The following SEMA6D variants were observed in gnomAD, a reference collection of about 807,000 sequenced individuals.
SEMA6D encodes semaphorin 6D.
A neutral mutation model predicts 106.6 loss-of-function variants in SEMA6D; 35 were observed. The observed-to-expected ratio is 0.33, with a 90% CI of 0.25 to 0.44. SEMA6D has a LOEUF of 0.44. Among genes scored for constraint, SEMA6D ranks in the 20% least tolerant of loss-of-function variants. The pLI is 1.00. For synonymous variants in SEMA6D, 499 were observed against 487.7 expected (o/e 1.02, Z -0.31); for missense variants, 1,185 against 1,345.9 (o/e 0.88, Z 1.87).
intron 3 of SEMA6D, among the ~76,000 whole-genome samples, chr15:47,522,080 C>T (rs536033544): frequency 6.6e-6 from 1 of 152,278 alleles, no homozygotes; most frequent in Admixed American, 6.5e-5. Context: ...CTTGACCAAC[C>T]CAGCTCCAAA....
intron 1 of SEMA6D, among the ~76,000 whole-genome samples, chr15:47,754,236 A>G (rs1234717708): frequency 6.6e-6 from 1 of 152,224 alleles, no homozygotes; most frequent in Non-Finnish European, 1.5e-5. Flanking sequence ...TACTAAAAAT[A>G]CAAAATAAAT....
At chr15:47,299,228 T>C (rs1297357210) in intron 1 of SEMA6D, among the ~76,000 whole-genome samples, 1 of 152,198 alleles carries the variant, frequency 6.6e-6, no homozygotes, top group African/African-American at 2.4e-5. Context: ...AGACACACCA[T>C]TGCTTTCCAA....
intron 13 of SEMA6D, chr15:47,765,626 G>A: frequency 1.9e-6 from 1 of 539,528 alleles, no homozygotes; most frequent in Non-Finnish European, 2.8e-6. Flanking sequence ...CTTCGCAAAT[G>A]CAATTCACTT....
intron 2 of SEMA6D, among the ~76,000 whole-genome samples, chr15:47,439,278 A>G (rs564747676): frequency 6.6e-6 from 1 of 152,256 alleles, no homozygotes; most frequent in East Asian, 1.9e-4. Flanking sequence ...GTACATATTT[A>G]ACAAAGTTTG....
chr15:47,420,326 C>A (rs557784877), intron 2 of SEMA6D, among the ~76,000 whole-genome samples: 2 of 152,206 alleles, frequency 1.3e-5, no homozygotes, highest in African/African-American at 4.8e-5. Context: ...TTAAAGCATT[C>A]TTTTGTGATC....
chr15:47,634,817 G>T (rs80161803), intron 4 of SEMA6D, among the ~76,000 whole-genome samples: 1 of 151,872 alleles, frequency 6.6e-6, no homozygotes, highest in Admixed American at 6.6e-5. Context: ...CTTCTTCGGG[G>T]GTGGGGGCGG....
At chr15:47,770,401 C>A in intron 18 of SEMA6D, 96 bp from the exon 19 acceptor site, 2 of 1,017,052 alleles carry the variant, frequency 2.0e-6, no homozygotes, top group South Asian at 1.7e-5. Context: ...GCATATGAAC[C>A]ATATGAAGGT....
At chr15:47,638,088 T>C (rs2077423675) in intron 4 of SEMA6D, among the ~76,000 whole-genome samples, 1 of 150,634 alleles carries the variant, frequency 6.6e-6, no homozygotes, top group Admixed American at 6.7e-5. Flanking sequence ...CTGCTTGTTT[T>C]CTAATTTTAT....
In SEMA6D at chr15:47,763,918, A is replaced by G. The variant is rs778907034; in HGVS notation, c.816A>G (p.Lys272=). 6.2e-7 allele frequency: 1 copy of G among 1,613,848 alleles called. No individual in the cohort carries two copies. The highest frequency in any genetic ancestry group is 8.5e-7 in the Non-Finnish European group (1 of 1,179,896). ...GTGGTTCCCAGCGGGTCCTGGAGAAACACTGGACTTCATTTCTAAAGGCTC... is the reference window on the plus strand; with the variant it reads ...GTGGTTCCCAGCGGGTCCTGGAGAAGCACTGGACTTCATTTCTAAAGGCTC... ...DMGGSQRVLE[K]HWTSFLKARL... Residue 272 remains lysine (K), a synonymous_variant, in exon 10 of 19, where the codon AAA becomes AAG. Transcript: ENST00000536845.
At chr15:47,336,016 A>G (rs1464192250) in intron 1 of SEMA6D, among the ~76,000 whole-genome samples, 1 of 152,236 alleles carries the variant, frequency 6.6e-6, no homozygotes, top group Non-Finnish European at 1.5e-5. Context: ...CTGATCTGAC[A>G]TTGCCTGAGG....
intron 1 of SEMA6D, among the ~76,000 whole-genome samples, chr15:47,337,113 T>C (rs973128753): frequency 2.0e-5 from 3 of 152,088 alleles, no homozygotes; most frequent in Non-Finnish European, 4.4e-5. Flanking sequence ...AGCAAGTAAA[T>C]GCCCATAAGA....
intron 3 of SEMA6D, among the ~76,000 whole-genome samples, chr15:47,479,749 C>T (rs1051687076): frequency 6.6e-6 from 1 of 152,138 alleles, no homozygotes; most frequent in Non-Finnish European, 1.5e-5. Flanking sequence ...AAAGAGATGC[C>T]ACTTCCCTAA....
At chr15:47,405,704 G>A (rs2040542614) in intron 1 of SEMA6D, among the ~76,000 whole-genome samples, 1 of 152,078 alleles carries the variant, frequency 6.6e-6, no homozygotes, top group South Asian at 2.1e-4. Flanking sequence ...TCTAGCTGGG[G>A]GCCTCATATA....
At chr15:47,285,615 A>G (rs531449631) in intron 1 of SEMA6D, among the ~76,000 whole-genome samples, 67 of 152,336 alleles carry the variant, frequency 4.4e-4, no homozygotes, top group African/African-American at 1.5e-3. Flanking sequence ...AATAATTCAG[A>G]TGAAAAGTGG....
intron 1 of SEMA6D, among the ~76,000 whole-genome samples, chr15:47,384,705 A>G (rs952730937): frequency 1.3e-5 from 2 of 152,158 alleles, no homozygotes; most frequent in Admixed American, 1.3e-4. Flanking sequence ...AGAGGCATGA[A>G]AGCAAACATC....
intron 4 of SEMA6D, among the ~76,000 whole-genome samples, chr15:47,640,947 A>C (rs770974230): frequency 2.0e-5 from 3 of 152,150 alleles, no homozygotes; most frequent in Non-Finnish European, 4.4e-5. Context: ...AGAAACCTCA[A>C]AGTCCTTCAC....
chr15:47,348,723 CACACAGAG>C (rs1416192986), intron 1 of SEMA6D, among the ~76,000 whole-genome samples: 10 of 45,608 alleles, frequency 2.2e-4, no homozygotes, highest in African/African-American at 5.7e-4. Flanking sequence ...ACACACCACA[CACACAGAG>C]AGAGAGAGAG....
Position 47,766,647 on chromosome 15 carries a change from G to C in SEMA6D, c.1678G>C (p.Gly560Arg), listed in dbSNP as rs568761262. ...AGGATATGAACAAGACACAGAATTC[G>C]GCAACACAGCTCATCTAGGGGACTG... ...AEGYEQDTEF[G>R]NTAHLGDCHE... Residue 560 changes from glycine to arginine, a missense_variant, in exon 16 of 19, where the codon GGC (glycine) becomes CGC (arginine). This residue lies in a region of SEMA6D where 750 missense variants were observed against 783.5 expected (regional missense o/e 0.96). Coordinates refer to ENST00000536845, the MANE Select transcript of SEMA6D (RefSeq NM_001358351.3). The C allele has an allele frequency of 6.2e-7, 1 of 1,612,506 alleles. No individual in the cohort carries two copies. Among genetic ancestry groups the C allele is most frequent in the Non-Finnish European group, 8.5e-7 (1 of 1,178,954 alleles).
chr15:47,185,093 G>A (rs1048372675), intron 1 of SEMA6D, among the ~76,000 whole-genome samples: 1 of 152,180 alleles, frequency 6.6e-6, no homozygotes, highest in African/African-American at 2.4e-5. Flanking sequence ...TCTCTGGGTG[G>A]GTCCCTTGTC....
Sources: gnomAD v4.1 joint callset for allele counts (sites outside exome capture counted in the v4.1 genomes callset) on GRCh38, gnomAD v4.1.1 for gene constraint, gnomAD v4.1.1 regional missense constraint, MANE v1.5 for transcripts, NCBI Gene and HGNC (gene_info 2026-07-23, HGNC 2026-07-21) for gene names.